The following BUB3 variants were observed in gnomAD, a reference collection of about 807,000 sequenced individuals.
BUB3 encodes the protein mitotic checkpoint protein BUB3.
BUB3 carries 22 observed loss-of-function variants against 39.9 expected under a neutral mutation model. That is an observed-to-expected ratio of 0.55 (90% CI 0.39 to 0.79). BUB3 has a LOEUF of 0.79. Among genes scored for constraint, BUB3 ranks in the 30% least tolerant of loss-of-function variants. The probability of loss-of-function intolerance (pLI) is 0.00; values close to 1 mark genes in which losing one functional copy is unlikely to be tolerated. For missense variants in BUB3, 303 were observed against 415.4 expected (o/e 0.73, Z 2.35); for synonymous variants, 168 against 155.1 (o/e 1.08, Z -0.62).
Position 123,164,833 on chromosome 10 carries a change from A to G in BUB3, c.*998A>G. Reference sequence around the variant, plus strand: ...CTTGGCCTATTCTAGGTAGTTCCAAATAGTATTTTTGTTGTCAAACTTTAA... The same window carrying G: ...CTTGGCCTATTCTAGGTAGTTCCAAGTAGTATTTTTGTTGTCAAACTTTAA... On this transcript the variant is annotated 3_prime_UTR_variant, in exon 8 of 8. Transcript: ENST00000368865. 3 of 1,351,498 alleles carry G rather than the reference A, an allele frequency of 2.2e-6. No homozygotes were observed. Among genetic ancestry groups the G allele is most frequent in the Non-Finnish European group, 2.8e-6 (3 of 1,054,100 alleles). The allele number at this position is 1,351,498 out of a possible 1,614,324, so 83.7% of individuals were successfully genotyped here.
chr10:123,159,388 T>A (rs887419611), intron 4 of BUB3, among the ~76,000 whole-genome samples: 1 of 152,242 alleles, frequency 6.6e-6, no homozygotes, highest in African/African-American at 2.4e-5. Flanking sequence ...CTGCATTTTT[T>A]ATGGCAGTTC....
chr10:123,160,655 CT>C (rs913714695), intron 5 of BUB3, 90 bp downstream of exon 5: 14,319 of 932,894 alleles, frequency 0.015, no homozygotes, highest in South Asian at 0.022. Flanking sequence ...CTAAAGCCTT[CT>C]TTTTTTTTTT....
At chr10:123,163,783 G>A (rs1201668489) in intron 7 of BUB3, 37 bp from the exon 8 acceptor site, 7 of 1,577,404 alleles carry the variant, frequency 4.4e-6, no homozygotes, top group South Asian at 1.1e-5. Flanking sequence ...TGGCCATTTT[G>A]ATCTCATGCT....
chr10:123,164,860 A>T lies in BUB3; in HGVS notation c.*1025A>T. 3 of 1,359,104 alleles carry T rather than the reference A, an allele frequency of 2.2e-6. No individual in the cohort carries two copies. The highest frequency in any genetic ancestry group is 2.8e-6 in the Non-Finnish European group (3 of 1,057,412). The allele number at this position is 1,359,104 out of a possible 1,614,324, so 84.2% of individuals were successfully genotyped here. ...AGTATTTTTGTTGTCAAACTTTAAA[A>T]TTTATATTAATTTGCAAATGTATGT... On this transcript the variant is annotated 3_prime_UTR_variant, in exon 8 of 8. Coordinates refer to ENST00000368865, the MANE Select transcript of BUB3 (RefSeq NM_004725.4).
chr10:123,161,867 C>T (rs1275887806), intron 5 of BUB3, among the ~76,000 whole-genome samples: 1 of 152,024 alleles, frequency 6.6e-6, no homozygotes, highest in East Asian at 1.9e-4. Context: ...CAGTTGTTCG[C>T]GATGAAGAGG....
chr10:123,154,910 T>C lies in BUB3; in HGVS notation c.1-8T>C. ...GACCCCTGGGGACTCTGGGCGCCTG[T>C]TCTGCAGATGACCGGTTCTAACGAG... On this transcript the variant is annotated splice_polypyrimidine_tract_variant and splice_region_variant and intron_variant, in intron 1 of 7. Transcript: ENST00000368865. 6.2e-7 allele frequency: 1 copy of C among 1,610,308 alleles called. No individual in the cohort carries two copies. The highest frequency in any genetic ancestry group is 1.7e-4 in the Middle Eastern group (1 of 5,898).
At position 123,166,108 on chromosome 10, in the gene BUB3, A is replaced by G. The variant is rs1434997788; in HGVS notation, c.*2273A>G. 2 of 152,028 alleles carry G rather than the reference A, an allele frequency of 1.3e-5. No individual in the cohort carries two copies. The highest frequency in any genetic ancestry group is 2.9e-5 in the Non-Finnish European group (2 of 68,004). The allele number at this position is 152,028 out of a possible 1,614,324, so 9.4% of individuals were successfully genotyped here. A position where few individuals can be genotyped will look rare whatever the true frequency, so the allele number is the denominator to read the frequency against. ...CATACCCCTTAACCAGCTCTCCACA[A>G]TTTACTTGTTTATGGTTATAGCTAC... On this transcript the variant is annotated 3_prime_UTR_variant, in exon 8 of 8. Transcript: ENST00000368865.
Position 123,157,868 on chromosome 10 carries a change from T to C in BUB3, c.405T>C (p.Ser135=), listed in dbSNP as rs749795696. ...CTCCTTGTAATGCTGGGACCTTCTCTCAGCCTGAAAAGGTAGGCTCTTTAT... is the reference window on the plus strand; with the variant it reads ...CTCCTTGTAATGCTGGGACCTTCTCCCAGCCTGAAAAGGTAGGCTCTTTAT... ...PRTPCNAGTF[S]QPEKVYTLSV... is the part of the protein sequence containing the mutation. The change falls in exon 4 of 8, where the codon TCT becomes TCC. Residue 135 remains serine, a synonymous_variant. Transcript: ENST00000368865. 1 of 1,612,806 alleles carries C rather than the reference T, an allele frequency of 6.2e-7. No individual in the cohort carries two copies. The highest frequency in any genetic ancestry group is 1.7e-5 in the Admixed American group (1 of 59,654).
intron 1 of BUB3, 144 bp from the exon 2 acceptor site, chr10:123,154,774 G>T: frequency 1.2e-6 from 1 of 857,654 alleles, no homozygotes; most frequent in Middle Eastern, 3.7e-4. Flanking sequence ...CTTGGCGGGC[G>T]AGTGCTCGGC....
Position 123,164,491 on chromosome 10 carries a change from G to T in BUB3, c.*656G>T. 7 of 985,568 alleles carry T rather than the reference G, an allele frequency of 7.1e-6. No individual in the cohort carries two copies. The highest frequency in any genetic ancestry group is 8.4e-6 in the Non-Finnish European group (7 of 830,062). 61.1% of individuals were successfully genotyped at this position (985,568 alleles called of 1,614,324 possible). A position where few individuals can be genotyped will look rare whatever the true frequency, so the allele number is the denominator to read the frequency against. On this transcript the variant is annotated 3_prime_UTR_variant, in exon 8 of 8. Coordinates refer to ENST00000368865, the MANE Select transcript of BUB3 (RefSeq NM_004725.4). ...TGTGACTGTAAACAATTATTTATTA[G>T]CAAACAATTGATCCCAGAAGGGCAA...
At position 123,160,666 on chromosome 10, in the gene BUB3, T is replaced by TC. The variant is rs766322361; in HGVS notation, c.576+102dup. 2.8e-5 allele frequency: 31 copies of TC among 1,111,692 alleles called. No homozygotes were observed. In the South Asian group the frequency reaches 6.2e-4, roughly 22 times the overall value. The allele number at this position is 1,111,692 out of a possible 1,614,324, so 68.9% of individuals were successfully genotyped here. On this transcript the variant is annotated intron_variant, in intron 5 of 7. Coordinates refer to ENST00000368865, the MANE Select transcript of BUB3 (RefSeq NM_004725.4). Reference sequence around the variant, plus strand: ...GCCCCTAAAGCCTTCTTTTTTTTTTTCAGTAGTGATTTAGAATTTGCTGTT... The same window carrying TC: ...GCCCCTAAAGCCTTCTTTTTTTTTTTCCAGTAGTGATTTAGAATTTGCTGTT...
intron 3 of BUB3, among the ~76,000 whole-genome samples, chr10:123,157,317 A>T (rs1447973565): frequency 6.6e-6 from 1 of 152,248 alleles, no homozygotes; most frequent in Non-Finnish European, 1.5e-5. Flanking sequence ...TTCTCCATTC[A>T]TTTGTTTATT....
At chr10:123,158,244 C>T (rs1405704644) in intron 4 of BUB3, among the ~76,000 whole-genome samples, 2 of 152,134 alleles carry the variant, frequency 1.3e-5, no homozygotes, top group Non-Finnish European at 2.9e-5. Flanking sequence ...TGGAGCATCA[C>T]TTATTTTCAT....
In BUB3 at chr10:123,167,516, A is replaced by T. The variant is rs996849025; in HGVS notation, c.*3681A>T. 3.9e-5 allele frequency: 6 copies of T among 152,168 alleles called. No homozygotes were observed. The highest frequency in any genetic ancestry group is 1.4e-4 in the African/African-American group (6 of 41,452). The allele number at this position is 152,168 out of a possible 1,614,324, so 9.4% of individuals were successfully genotyped here. Reference sequence around the variant, plus strand: ...CTACTTAAAGCAAGAGCAGGACCACATCTTTTTGTATGCTCTGGCACATGA... The same window carrying T: ...CTACTTAAAGCAAGAGCAGGACCACTTCTTTTTGTATGCTCTGGCACATGA... On this transcript the variant is annotated 3_prime_UTR_variant, in exon 8 of 8. Coordinates refer to ENST00000368865, the MANE Select transcript of BUB3 (RefSeq NM_004725.4).
Position 123,159,487 on chromosome 10 carries a change from A to T in BUB3, c.418-920A>T, listed in dbSNP as rs555052216. Among the ~76,000 whole-genome samples the T allele has an allele frequency of 2.6e-5, 4 of 152,368 alleles. No individual in the cohort carries two copies. The South Asian group carries it at 6.2e-4, about 24-fold the overall frequency. ...TTGTGAATCGCAAGTCTAGATTTTT[A>T]AAAAGTGACTGAACATGATCAGGAG... On this transcript the variant is annotated intron_variant, in intron 4 of 7. Transcript: ENST00000368865.
intron 3 of BUB3, 22 bp from the exon 4 acceptor site, chr10:123,157,707 T>TC: frequency 6.4e-7 from 1 of 1,553,690 alleles, no homozygotes; most frequent in Non-Finnish European, 8.7e-7. Flanking sequence ...TGGGGTTTTT[T>TC]CCCCTTTTTT....
In BUB3 at chr10:123,155,097, G is replaced by C. The variant is rs1397617171; in HGVS notation, c.180G>C (p.Leu60=). The change falls in exon 2 of 8, where the codon CTG becomes CTC. Residue 60 remains leucine (L), a synonymous_variant. Transcript: ENST00000368865. ...AGTACCAGCACACCGGCGCCGTCCT[G>C]GACTGCGCCTTCTACGTAGGTGCCC... ...RLKYQHTGAV[L]DCAFYDPTHA... 6.2e-7 allele frequency: 1 copy of C among 1,613,900 alleles called. No individual in the cohort carries two copies. Among genetic ancestry groups the C allele is most frequent in the Non-Finnish European group, 8.5e-7 (1 of 1,179,954 alleles).
At chr10:123,155,518 C>A in intron 2 of BUB3, 140 bp from the exon 3 acceptor site, 1 of 749,256 alleles carries the variant, frequency 1.3e-6, no homozygotes, top group Non-Finnish European at 2.2e-6. Context: ...CTTTTTTATG[C>A]TGTTTTTTGG....
chr10:123,154,895 G>A (rs1564781052), intron 1 of BUB3, 23 bp from the exon 2 acceptor site: 1 of 1,456,386 alleles, frequency 6.9e-7, no homozygotes, highest in Non-Finnish European at 9.4e-7. Flanking sequence ...GACCCCTGGG[G>A]ACTCTGGGCG....
Sources: gnomAD v4.1 joint callset for allele counts (sites outside exome capture counted in the v4.1 genomes callset) on GRCh38, gnomAD v4.1.1 for gene constraint, MANE v1.5 for transcripts, NCBI Gene and HGNC (gene_info 2026-07-23, HGNC 2026-07-21) for gene names.